The following SDK1 variants were observed in gnomAD, a reference collection of about 807,000 sequenced individuals.
SDK1 encodes the protein protein sidekick-1.
SDK1 carries 157 observed loss-of-function variants against 245.5 expected under a neutral mutation model. That is an observed-to-expected ratio of 0.64 (90% CI 0.56 to 0.73). The LOEUF (loss-of-function observed/expected upper bound fraction) is 0.73, where lower values mean the gene tolerates loss of function less well. Ranked by LOEUF, SDK1 falls within the 30% of genes least tolerant of loss-of-function variation. SDK1 has a pLI of 0.00. For synonymous variants in SDK1, 1,647 were observed against 1,278.5 expected (o/e 1.29, Z -6.15); for missense variants, 3,583 against 3,002.3 (o/e 1.19, Z -4.52).
At chr7:4,178,902 G>A (rs1782423589) in intron 35 of SDK1, among the ~76,000 whole-genome samples, 1 of 152,248 alleles carries the variant, frequency 6.6e-6, no homozygotes, top group African/African-American at 2.4e-5. Context: ...ATGTAGGTGT[G>A]TGGGAAATGG....
At chr7:4,012,516 G>A (rs1296621649) in intron 16 of SDK1, among the ~76,000 whole-genome samples, 1 of 142,316 alleles carries the variant, frequency 7.0e-6, no homozygotes, top group Non-Finnish European at 1.5e-5. Flanking sequence ...GGGTATTAGG[G>A]GTTGGAAGCA....
At chr7:3,415,580 C>A (rs1363216564) in intron 1 of SDK1, among the ~76,000 whole-genome samples, 1 of 151,674 alleles carries the variant, frequency 6.6e-6, no homozygotes, top group Non-Finnish European at 1.5e-5. Flanking sequence ...ATGGAAATGC[C>A]CATATACACA....
At chr7:3,531,154 T>A (rs1337554518) in intron 1 of SDK1, among the ~76,000 whole-genome samples, 3 of 152,194 alleles carry the variant, frequency 2.0e-5, no homozygotes, top group Non-Finnish European at 4.4e-5. Flanking sequence ...CACACCAGAA[T>A]ACCACCCTCA....
intron 35 of SDK1, among the ~76,000 whole-genome samples, chr7:4,202,684 C>T (rs192500409): frequency 6.6e-6 from 1 of 152,352 alleles, no homozygotes; most frequent in East Asian, 1.9e-4. Flanking sequence ...AGAGTTAATT[C>T]CTACAGCTCT....
intron 41 of SDK1, among the ~76,000 whole-genome samples, chr7:4,236,621 G>A (rs1786184993): frequency 6.6e-6 from 1 of 152,066 alleles, no homozygotes; most frequent in Non-Finnish European, 1.5e-5. Flanking sequence ...TGCTTCGTGG[G>A]CTCAGGGTTC....
At chr7:4,160,793 G>T (rs1477037492) in intron 31 of SDK1, among the ~76,000 whole-genome samples, 3 of 152,174 alleles carry the variant, frequency 2.0e-5, no homozygotes, top group African/African-American at 7.2e-5. Flanking sequence ...GGGGGTTGGA[G>T]GGAGACCCAT....
chr7:4,187,530 T>A (rs1298909841), intron 35 of SDK1, among the ~76,000 whole-genome samples: 3 of 152,208 alleles, frequency 2.0e-5, no homozygotes. Flanking sequence ...CTTTCCTAGT[T>A]TATTAGGCAA....
intron 42 of SDK1, among the ~76,000 whole-genome samples, chr7:4,239,869 G>C (rs1187882519): frequency 6.6e-6 from 1 of 152,116 alleles, no homozygotes; most frequent in African/African-American, 2.4e-5. Flanking sequence ...AAGAGGAGCT[G>C]GCTACATTAG....
At chr7:3,557,701 G>C (rs960924723) in intron 1 of SDK1, among the ~76,000 whole-genome samples, 2 of 152,132 alleles carry the variant, frequency 1.3e-5, no homozygotes, top group African/African-American at 4.8e-5. Flanking sequence ...AGGGTACTCA[G>C]AATCTCTTTG....
intron 4 of SDK1, among the ~76,000 whole-genome samples, chr7:3,796,587 C>T (rs1031091283): frequency 6.6e-6 from 1 of 152,192 alleles, no homozygotes; most frequent in Non-Finnish European, 1.5e-5. Flanking sequence ...TAGCCAGGCG[C>T]AACCACTTCT....
chr7:3,736,849 A>G (rs1469197772), intron 4 of SDK1, among the ~76,000 whole-genome samples: 2 of 152,212 alleles, frequency 1.3e-5, no homozygotes, highest in African/African-American at 4.8e-5. Context: ...ATACAGTATT[A>G]TTAACTGCAG....
chr7:3,392,678 C>G (rs1166088354), intron 1 of SDK1, among the ~76,000 whole-genome samples: 2 of 152,116 alleles, frequency 1.3e-5, no homozygotes, highest in African/African-American at 2.4e-5. Context: ...TTTGTCTACT[C>G]TAGGTATTTA....
intron 35 of SDK1, among the ~76,000 whole-genome samples, chr7:4,194,207 GATAT>G (rs763196985): frequency 6.6e-6 from 1 of 151,340 alleles, no homozygotes; most frequent in Non-Finnish European, 1.5e-5. Context: ...GAGCGAGAGA[GATAT>G]ATATATGTAT....
intron 17 of SDK1, among the ~76,000 whole-genome samples, chr7:4,043,896 A>C (rs1788827193): frequency 6.6e-6 from 1 of 151,628 alleles, no homozygotes; most frequent in South Asian, 2.1e-4. Context: ...GTTCTAAGAG[A>C]AAACGTCACA....
intron 5 of SDK1, among the ~76,000 whole-genome samples, chr7:3,848,402 G>C (rs1279717633): frequency 4.6e-5 from 7 of 152,156 alleles, no homozygotes; most frequent in African/African-American, 1.7e-4. Context: ...TTCAGATGCA[G>C]GATGACAGGA....
intron 40 of SDK1, among the ~76,000 whole-genome samples, chr7:4,232,072 A>T (rs1785811696): frequency 1.4e-5 from 2 of 144,032 alleles, no homozygotes; most frequent in African/African-American, 5.1e-5. Context: ...TTAACCAAAC[A>T]GCCTCCTTAG....
chr7:3,933,796 A>C (rs1347941264), intron 5 of SDK1, among the ~76,000 whole-genome samples: 1 of 152,180 alleles, frequency 6.6e-6, no homozygotes, highest in East Asian at 1.9e-4. Context: ...TAACTTGAGA[A>C]GGTCTGGTTT....
In SDK1 at chr7:4,092,725, G is replaced by T. The variant is rs1245505270; in HGVS notation, c.3324+13141G>T. 2.6e-5 allele frequency among the ~76,000 whole-genome samples: 4 copies of T among 152,176 alleles called. No individual in the cohort carries two copies. The East Asian group carries it at 7.7e-4, about 29-fold the overall frequency. ...CAGGGAGGTGATGTCAGAGAGGTCT[G>T]CTGGGGCGCCGGGAGGACACTGAGG... On this transcript the variant is annotated intron_variant, in intron 22 of 44. Coordinates refer to ENST00000404826, the MANE Select transcript of SDK1 (RefSeq NM_152744.4).
At chr7:4,239,274 A>G (rs886838501) in intron 42 of SDK1, among the ~76,000 whole-genome samples, 11 of 152,242 alleles carry the variant, frequency 7.2e-5, no homozygotes, top group African/African-American at 2.7e-4. Context: ...GGAAGTTTCC[A>G]GAAGGCAGAA....
Sources: allele counts gnomAD v4.1 joint callset (sites outside exome capture counted in the v4.1 genomes callset), GRCh38; gene constraint gnomAD v4.1.1; transcripts MANE v1.5; gene names NCBI Gene and HGNC (gene_info 2026-07-23, HGNC 2026-07-21).